Variants in FAM193A observed in about 807,000 individuals in gnomAD.
FAM193A encodes the protein protein FAM193A.
In FAM193A, 22 loss-of-function variants were observed where a neutral mutation model predicts 126.5. The observed-to-expected ratio is 0.17, with a 90% CI of 0.12 to 0.25. The LOEUF (loss-of-function observed/expected upper bound fraction) is 0.25, where lower values mean the gene tolerates loss of function less well. FAM193A is among the 10% of genes least tolerant of loss of function. FAM193A has a pLI of 1.00. For synonymous variants in FAM193A, 761 were observed against 646.8 expected, an observed-to-expected ratio of 1.18 and a Z score of -2.68; for missense variants, 1,675 against 1,672.8, an observed-to-expected ratio of 1.00 and a Z score of -0.02.
At chr4:2,647,552 G>C (rs1485783528) in intron 7 of FAM193A, among the ~76,000 whole-genome samples, 1 of 152,194 alleles carries the variant, frequency 6.6e-6, no homozygotes, top group Admixed American at 6.5e-5. Flanking sequence ...CACATGCACA[G>C]GTGGCAGGTG....
intron 6 of FAM193A, among the ~76,000 whole-genome samples, chr4:2,642,845 G>T (rs1744775918): frequency 6.6e-6 from 1 of 150,808 alleles, no homozygotes; most frequent in Non-Finnish European, 1.5e-5. Context: ...CCATTCTCCT[G>T]CCTCAGCCTC....
intron 1 of FAM193A, among the ~76,000 whole-genome samples, chr4:2,551,091 C>T (rs1197741889): frequency 2.0e-5 from 3 of 152,100 alleles, no homozygotes; most frequent in Admixed American, 6.6e-5. Context: ...TAAGCCCTGC[C>T]TGGTCATTTA....
At chr4:2,730,049 C>T (rs991488715) in intron 20 of FAM193A, among the ~76,000 whole-genome samples, 3 of 152,176 alleles carry the variant, frequency 2.0e-5, no homozygotes, top group African/African-American at 4.8e-5. Flanking sequence ...ACTATAGGCA[C>T]ATATGTGTAC....
intron 12 of FAM193A, among the ~76,000 whole-genome samples, chr4:2,664,558 CTTTTTTTTTTTTTTTTTTTT>C: frequency 1.4e-5 from 1 of 73,094 alleles, no homozygotes; most frequent in Middle Eastern, 0.013. Flanking sequence ...TATTTTCTTT[CTTTTTTTTTTTTTTTTTTTT>C]TTTTTTGAGA....
chr4:2,619,403 A>G (rs1315220995), intron 2 of FAM193A, among the ~76,000 whole-genome samples: 2 of 150,808 alleles, frequency 1.3e-5, no homozygotes, highest in Non-Finnish European at 3.0e-5. Flanking sequence ...CCTGGGTTCA[A>G]ACGATTCTCC....
At chr4:2,563,424 C>T (rs1738746914) in intron 1 of FAM193A, among the ~76,000 whole-genome samples, 1 of 151,510 alleles carries the variant, frequency 6.6e-6, no homozygotes, top group Non-Finnish European at 1.5e-5. Context: ...AAAACAGAGA[C>T]TGGGCATGGT....
At chr4:2,679,699 CTT>C in intron 13 of FAM193A, among the ~76,000 whole-genome samples, 1 of 151,944 alleles carries the variant, frequency 6.6e-6, no homozygotes, top group Admixed American at 6.6e-5. Context: ...CTTACAGTGT[CTT>C]TGGCTTTGGT....
At chr4:2,714,798 G>A (rs919857264) in intron 19 of FAM193A, among the ~76,000 whole-genome samples, 1 of 152,100 alleles carries the variant, frequency 6.6e-6, no homozygotes, top group African/African-American at 2.4e-5. Flanking sequence ...AAATTGTCCC[G>A]TGTTGAGGGC....
rs761919715 is a variant in FAM193A, at chr4:2,693,826, T to C, written c.3044T>C (p.Leu1015Pro). 3.1e-6 allele frequency: 5 copies of C among 1,614,224 alleles called. No homozygotes were observed. In the Admixed American group the frequency reaches 5.0e-5, roughly 16 times the overall value. ...DTRKSFCPAP[L>P]PPATDGSISA... Reference sequence around the variant, plus strand: ...CGCAAGAGTTTCTGTCCTGCACCCCTACCCCCGGCCACAGATGGCTCCATT... The same window carrying C: ...CGCAAGAGTTTCTGTCCTGCACCCCCACCCCCGGCCACAGATGGCTCCATT... The change falls in exon 16 of 21, where the codon CTA becomes CCA. Residue 1015 changes from leucine (L) to proline (P), a missense_variant. Physicochemically the swap from Leu to Pro is moderately conservative, Grantham distance 98. Around this residue, in one of 4 missense-constraint regions of FAM193A, gnomAD observed 1,186 missense variants for 1,109.2 expected, o/e 1.07. Transcript: ENST00000637812.
Position 2,700,272 on chromosome 4 carries a change from C to T in FAM193A, c.4100C>T (p.Pro1367Leu), listed in dbSNP as rs1319880163. 1.2e-6 allele frequency: 2 copies of T among 1,613,904 alleles called. No homozygotes were observed. Among genetic ancestry groups the T allele is most frequent in the Non-Finnish European group, 1.7e-6 (2 of 1,180,012 alleles). ...PPKATEGQSK[P>L]RAQTESKAKV... ...AAGGCCACAGAGGGGCAGTCCAAGC[C>T]CCGGGCCCAGACTGAGTCAAAGGCT... The change falls in exon 19 of 21, where the codon CCC (proline) becomes CTC (leucine). Residue 1367 changes from proline (P) to leucine (L), a missense_variant. By Grantham distance (98) the Pro-to-Leu change is moderately conservative (BLOSUM62 -3). Around this residue, in one of 4 missense-constraint regions of FAM193A, gnomAD observed 415 missense variants for 396.7 expected, o/e 1.05. Coordinates refer to ENST00000637812, the MANE Select transcript of FAM193A (RefSeq NM_001366318.2).
At chr4:2,586,894 C>T (rs924837789) in intron 1 of FAM193A, among the ~76,000 whole-genome samples, 1 of 152,148 alleles carries the variant, frequency 6.6e-6, no homozygotes, top group Non-Finnish European at 1.5e-5. Flanking sequence ...CTCAAGCAAC[C>T]CTTTCACCCA....
chr4:2,598,986 G>C (rs1007362565), intron 2 of FAM193A, among the ~76,000 whole-genome samples: 1 of 152,222 alleles, frequency 6.6e-6, no homozygotes, highest in Non-Finnish European at 1.5e-5. Context: ...TGTATCTGCA[G>C]GGGTCTGACC....
intron 19 of FAM193A, among the ~76,000 whole-genome samples, chr4:2,714,875 C>A (rs1012376541): frequency 6.6e-6 from 1 of 152,138 alleles, no homozygotes; most frequent in African/African-American, 2.4e-5. Context: ...TTGTTCACAT[C>A]GATGAGGCTG....
rs745727980 is a variant in FAM193A at position 2,711,849 on chromosome 4, T to A, written c.4373-4174T>A. 9.5e-4 allele frequency among the ~76,000 whole-genome samples: 145 copies of A among 151,902 alleles called. 2 individuals carry two copies. Among genetic ancestry groups the A allele is most frequent in the Admixed American group, 2.0e-4 (3 of 15,256 alleles). ...GGCTGAGGCAGAAGAATCGCTTGAA[T>A]TTGGGAGGCAAAGGTTGTGGTGAGC... On this transcript the variant is annotated intron_variant, in intron 19 of 20. Coordinates refer to ENST00000637812, the MANE Select transcript of FAM193A (RefSeq NM_001366318.2).
rs1713919015 is a variant in FAM193A, at chr4:2,672,379, CAG to C, written c.2331+8_2331+9del. The C allele has an allele frequency of 1.2e-6, 2 of 1,612,218 alleles. No homozygotes were observed. Among genetic ancestry groups the C allele is most frequent in the African/African-American group, 2.7e-5 (2 of 74,738 alleles). ...CCCCTTCACACACAGTAAGGTAAGT[CAG>C]GGCAAAAAGGGTCTGAAAGCTCACT... On this transcript the variant is annotated splice_region_variant and intron_variant, in intron 13 of 20. Coordinates refer to ENST00000637812, the MANE Select transcript of FAM193A (RefSeq NM_001366318.2).
chr4:2,626,556 G>A lies in FAM193A; in HGVS notation c.782G>A (p.Gly261Glu), dbSNP rs1241985986. Residue 261 changes from glycine (G) to glutamate (E), a missense_variant, in exon 4 of 21, where the codon GGA (glycine) becomes GAA (glutamate). Gly to Glu is a moderately conservative substitution (Grantham distance 98). Around this residue, in one of 4 missense-constraint regions of FAM193A, gnomAD observed 1,186 missense variants for 1,109.2 expected, o/e 1.07. Coordinates refer to ENST00000637812, the MANE Select transcript of FAM193A (RefSeq NM_001366318.2). Reference protein sequence around the residue: ...QDQSLVPDKEGVKELVDRLCE... With the variant: ...QDQSLVPDKEEVKELVDRLCE... The stretch of plus-strand genomic sequence containing the variant: ...CAGTCTCTGGTGCCTGACAAGGAGG[G>A]AGTGAAGGAGCTCGTGGATAGGTAC... 1.4e-6 allele frequency: 1 copy of A among 701,668 alleles called. No homozygotes were observed. The highest frequency in any genetic ancestry group is 2.7e-5 in the East Asian group (1 of 37,244). The allele number at this position is 701,668 out of a possible 1,614,324, so 43.5% of individuals were successfully genotyped here. A position where few individuals can be genotyped will look rare whatever the true frequency, so the allele number is the denominator to read the frequency against.
At chr4:2,595,749 G>C (rs1475504147) in intron 1 of FAM193A, among the ~76,000 whole-genome samples, 1 of 152,216 alleles carries the variant, frequency 6.6e-6, no homozygotes, top group Non-Finnish European at 1.5e-5. Flanking sequence ...AGTAGTTTCA[G>C]ACTTCGTTGG....
chr4:2,696,126 A>G (rs1489259676), intron 17 of FAM193A: 2 of 429,154 alleles, frequency 4.7e-6, no homozygotes, highest in East Asian at 4.2e-5. Context: ...ATAGCTATAC[A>G]TGCTTTATCA....
chr4:2,556,777 G>C (rs846083), intron 1 of FAM193A, among the ~76,000 whole-genome samples: 77,049 of 152,038 alleles, frequency 0.51, 19,975 homozygotes, highest in East Asian at 0.57. Context: ...TGAGGAAATT[G>C]ACTTTTTCCC....
Sources: gnomAD v4.1 joint callset for allele counts (sites outside exome capture counted in the v4.1 genomes callset) on GRCh38, gnomAD v4.1.1 for gene constraint, gnomAD v4.1.1 regional missense constraint, MANE v1.5 for transcripts, NCBI Gene and HGNC (gene_info 2026-07-23, HGNC 2026-07-21) for gene names.